The following ATXN7L1 variants were observed in gnomAD, a reference collection of about 807,000 sequenced individuals.
ATXN7L1 encodes the protein ataxin 7 like 1, also known as ataxin-7-like protein 1.
Under a neutral mutation model 70.8 loss-of-function variants are expected in ATXN7L1, and 15 were observed. That is an observed-to-expected ratio of 0.21 (90% confidence interval 0.14 to 0.33). The LOEUF (loss-of-function observed/expected upper bound fraction) is 0.33. Ranked by LOEUF, ATXN7L1 falls within the 10% of genes least tolerant of loss-of-function variation. ATXN7L1 has a pLI of 1.00. For synonymous variants in ATXN7L1, 440 were observed against 445.1 expected (o/e 0.99, Z 0.14); for missense variants, 975 against 1,097.1 (o/e 0.89, Z 1.57).
Position 105,614,718 on chromosome 7 carries a change from C to T in ATXN7L1, c.1616G>A (p.Ser539Asn). 1 of 1,551,642 alleles carries T rather than the reference C, an allele frequency of 6.4e-7. No individual in the cohort carries two copies. The highest frequency in any genetic ancestry group is 8.7e-7 in the Non-Finnish European group (1 of 1,147,010). The change falls in exon 10 of 12, where the codon AGT becomes AAT. Residue 539 changes from serine (S) to asparagine (N), a missense_variant. Physicochemically the swap from Ser to Asn is conservative, Grantham distance 46 (BLOSUM62 1). This residue lies in a region of ATXN7L1 where 635 missense variants were observed against 699.4 expected (regional missense o/e 0.91). Transcript: ENST00000419735. This position sits in a 1 kb window ranked among gnomAD's most constrained non-coding sequence, Gnocchi z 4.3. ...GGGAGCTGAAGGAAGATACACAGCA[C>T]TGGGGTTGCTGAAAGGCTGCAAAAC... ...ASVLQPFSNPSAVYLPSAPIS... is the reference protein window; with the variant it reads ...ASVLQPFSNPNAVYLPSAPIS...
rs567619497 is a variant in ATXN7L1 at position 105,739,491 on chromosome 7, T to C, written c.355+49113A>G. The stretch of plus-strand genomic sequence containing the variant: ...AGGGCAACCACATTTTCAAAAACTT[T>C]TACAGTTAATTTTACCTTGCAGTCT... On this transcript the variant is annotated intron_variant, in intron 3 of 11. Transcript: ENST00000419735. 2.0e-4 allele frequency among the ~76,000 whole-genome samples: 31 copies of C among 152,246 alleles called. No homozygotes were observed. In the South Asian group the frequency reaches 5.4e-3, roughly 27 times the overall value.
chr7:105,819,080 G>A (rs568240751), intron 2 of ATXN7L1, among the ~76,000 whole-genome samples: 14 of 141,546 alleles, frequency 9.9e-5, no homozygotes, highest in African/African-American at 3.7e-4. Flanking sequence ...TCCCCACCCT[G>A]TGTCCAAGTG....
chr7:105,812,124 A>T (rs1305964146), intron 2 of ATXN7L1, among the ~76,000 whole-genome samples: 2 of 152,066 alleles, frequency 1.3e-5, no homozygotes, highest in African/African-American at 4.8e-5. Context: ...CCTTGCCTCA[A>T]CCTTAGTGCT....
chr7:105,807,887 C>A (rs1431185433), intron 2 of ATXN7L1, among the ~76,000 whole-genome samples: 1 of 152,266 alleles, frequency 6.6e-6, no homozygotes, highest in East Asian at 1.9e-4. Flanking sequence ...GTAATGTTTA[C>A]TGTCTTAAGC....
intron 9 of ATXN7L1, among the ~76,000 whole-genome samples, chr7:105,615,812 G>C (rs1793802108): frequency 6.6e-6 from 1 of 152,090 alleles, no homozygotes; most frequent in Non-Finnish European, 1.5e-5. Flanking sequence ...GGAGGCTGGG[G>C]GGTACCTCAG....
intron 3 of ATXN7L1, among the ~76,000 whole-genome samples, chr7:105,756,804 G>A (rs1167271112): frequency 6.6e-6 from 1 of 152,182 alleles, no homozygotes; most frequent in South Asian, 2.1e-4. Flanking sequence ...TCACTTAACG[G>A]TGATGACCTC....
intron 10 of ATXN7L1, among the ~76,000 whole-genome samples, chr7:105,611,537 A>G (rs1356635897): frequency 6.6e-6 from 1 of 152,036 alleles, no homozygotes; most frequent in African/African-American, 2.4e-5. Context: ...CCACCCAGCT[A>G]ATTTTTGTAT....
rs868363959 is a variant in ATXN7L1 at position 105,683,729 on chromosome 7, A to T, written c.356-18441T>A. Among the ~76,000 whole-genome samples, 3 of 152,160 alleles carry T rather than the reference A, an allele frequency of 2.0e-5. 1 individual carries two copies. The Middle Eastern group carries it at 0.01, about 521-fold the overall frequency. ...CAAACAACTACCACCGCCACTACCA[A>T]TGCCACCACACACAAACACACGCAC... is the stretch of plus-strand genomic sequence containing the variant. On this transcript the variant is annotated intron_variant, in intron 3 of 11. Coordinates refer to ENST00000419735, the MANE Select transcript of ATXN7L1 (RefSeq NM_020725.2).
At chr7:105,833,165 C>T (rs990738977) in intron 2 of ATXN7L1, among the ~76,000 whole-genome samples, 1 of 152,212 alleles carries the variant, frequency 6.6e-6, no homozygotes, top group African/African-American at 2.4e-5. Context: ...CCCTTCCTGC[C>T]TCAGGGTCCT....
At chr7:105,738,042 AAAT>A (rs1797606592) in intron 3 of ATXN7L1, among the ~76,000 whole-genome samples, 1 of 152,258 alleles carries the variant, frequency 6.6e-6, no homozygotes, top group African/African-American at 2.4e-5. Context: ...GGGATGAAGA[AAAT>A]AACCACAACC....
chr7:105,695,502 T>C (rs1280126132), intron 3 of ATXN7L1, among the ~76,000 whole-genome samples: 4 of 152,180 alleles, frequency 2.6e-5, no homozygotes, highest in Admixed American at 2.6e-4. Flanking sequence ...CCCCATCCTT[T>C]GATTTGATCA....
chr7:105,777,836 C>A (rs376207575), intron 3 of ATXN7L1, among the ~76,000 whole-genome samples: 3 of 152,238 alleles, frequency 2.0e-5, no homozygotes, highest in Admixed American at 2.0e-4. Flanking sequence ...CCTTCAGACT[C>A]TGTTCTACAT....
At chr7:105,728,765 C>T (rs1284523943) in intron 3 of ATXN7L1, among the ~76,000 whole-genome samples, 1 of 152,118 alleles carries the variant, frequency 6.6e-6, no homozygotes, top group Non-Finnish European at 1.5e-5. Context: ...GGGCATCTTA[C>T]AGTACCAGAA....
chr7:105,778,344 C>CA (rs10639727), intron 3 of ATXN7L1, among the ~76,000 whole-genome samples: 18,030 of 104,576 alleles, frequency 0.17, 2,027 homozygotes, highest in African/African-American at 0.35. Flanking sequence ...CGCATCTCTA[C>CA]AAAAAAAAAA....
Position 105,876,539 on chromosome 7 carries a change from C to T in ATXN7L1, c.20G>A (p.Arg7Gln), listed in dbSNP as rs1563166324. ...AGCAGCAGCCGAGAGACACGGGATT[C>T]GAGAACGCTCCGACGTCATCTTCGG... is the stretch of plus-strand genomic sequence containing the variant. MTSERS[R>Q]IPCLSAAAAE... The change falls in exon 1 of 12, where the codon CGA (arginine) becomes CAA (glutamine). Residue 7 changes from arginine (R) to glutamine (Q), a missense_variant. By Grantham distance (43) the Arg-to-Gln change is conservative. This residue lies in a region of ATXN7L1 where 135 missense variants were observed against 132.6 expected (regional missense o/e 1.02). Coordinates refer to ENST00000419735, the MANE Select transcript of ATXN7L1 (RefSeq NM_020725.2). The T allele has an allele frequency of 1.3e-6, 2 of 1,537,054 alleles. No homozygotes were observed. The highest frequency in any genetic ancestry group is 2.2e-5 in the South Asian group (2 of 89,988).
At chr7:105,761,484 G>A in intron 3 of ATXN7L1, 1 of 1,613,666 alleles carries the variant, frequency 6.2e-7, no homozygotes. Flanking sequence ...TAAATGCTTT[G>A]TTGGCATTTG....
At chr7:105,852,139 G>C (rs9791636) in intron 2 of ATXN7L1, among the ~76,000 whole-genome samples, 3,360 of 152,218 alleles carry the variant, frequency 0.022, 147 homozygotes, top group East Asian at 0.12. Context: ...TGTTCCCAGA[G>C]GCTTGCCCCT....
At chr7:105,871,246 G>A (rs999428574) in intron 2 of ATXN7L1, among the ~76,000 whole-genome samples, 3 of 152,070 alleles carry the variant, frequency 2.0e-5, no homozygotes, top group African/African-American at 7.2e-5. Flanking sequence ...TGGGCAAATA[G>A]GCCAAGAGAA....
intron 3 of ATXN7L1, among the ~76,000 whole-genome samples, chr7:105,669,284 G>A (rs1453142995): frequency 6.6e-6 from 1 of 152,016 alleles, no homozygotes; most frequent in African/African-American, 2.4e-5. Flanking sequence ...GTTTCGCCTT[G>A]TTAGCCAGGC....
Sources: gnomAD v4.1 joint callset for allele counts (sites outside exome capture counted in the v4.1 genomes callset) on GRCh38, gnomAD v4.1.1 for gene constraint, gnomAD v4.1.1 regional missense constraint, Gnocchi (gnomAD v3.1) non-coding constraint, MANE v1.5 for transcripts, NCBI Gene and HGNC (gene_info 2026-07-23, HGNC 2026-07-21) for gene names.